GNPTAB: variants seen among roughly 807,000 people sequenced by gnomAD.
GNPTAB encodes N-acetylglucosamine-1-phosphate transferase subunits alpha and beta.
GNPTAB carries 92 observed loss-of-function variants against 136.6 expected under a neutral mutation model. The ratio of observed to expected loss-of-function variants is 0.67; its 90% CI spans 0.57 to 0.80. GNPTAB has a LOEUF of 0.80. GNPTAB is among the 30% of genes least tolerant of loss of function. GNPTAB has a pLI of 0.00. For synonymous variants in GNPTAB, 512 were observed against 535.1 expected (o/e 0.96, Z 0.60); for missense variants, 1,343 against 1,501.8 (o/e 0.89, Z 1.75).
Position 101,830,504 on chromosome 12 carries a change from G to C in GNPTAB, c.117+55C>G, listed in dbSNP as rs947167828. The stretch of plus-strand genomic sequence containing the variant: ...CTGTATCGGGGCATCGCGGGGCACG[G>C]CGAGGGCAGTGCAGGGTCGAGGCGC... On this transcript the variant is annotated intron_variant, in intron 1 of 20. Transcript: ENST00000299314. 34 of 936,472 alleles carry C rather than the reference G, an allele frequency of 3.6e-5. No homozygotes were observed. In the Admixed American group the frequency reaches 5.9e-4, roughly 16 times the overall value. The allele number at this position is 936,472 out of a possible 1,614,324, so 58.0% of individuals were successfully genotyped here.
At chr12:101,762,004 A>T (rs553225503) in intron 13 of GNPTAB, among the ~76,000 whole-genome samples, 1 of 152,246 alleles carries the variant, frequency 6.6e-6, no homozygotes. Flanking sequence ...GGAGATCTAC[A>T]TAACAACAGT....
chr12:101,822,872 G>A (rs138710365), intron 1 of GNPTAB, among the ~76,000 whole-genome samples: 95 of 152,316 alleles, frequency 6.2e-4, no homozygotes, highest in African/African-American at 2.2e-3. Flanking sequence ...CCCACAAGGT[G>A]TGCTTATTCA....
chr12:101,791,522 T>C (rs1370411972), intron 2 of GNPTAB, among the ~76,000 whole-genome samples: 1 of 151,500 alleles, frequency 6.6e-6, no homozygotes, highest in East Asian at 1.9e-4. Context: ...TTTAAGGAAG[T>C]TTACAAATTT....
At chr12:101,778,213 C>T (rs916469729) in intron 7 of GNPTAB, 1 of 152,146 alleles carries the variant, frequency 6.6e-6, no homozygotes, top group Non-Finnish European at 1.5e-5. Context: ...GAGCAGTCCG[C>T]ACTGGTGGGC....
intron 5 of GNPTAB, among the ~76,000 whole-genome samples, chr12:101,784,461 A>G (rs1239378800): frequency 1.3e-5 from 2 of 152,320 alleles, no homozygotes; most frequent in East Asian, 3.9e-4. Flanking sequence ...AGAAGTTTGT[A>G]TCCATGTGAA....
intron 12 of GNPTAB, chr12:101,765,862 G>T: frequency 2.0e-6 from 1 of 506,404 alleles, no homozygotes; most frequent in Non-Finnish European, 3.6e-6. Flanking sequence ...AATCTGCTTG[G>T]TCCAAACAAA....
chr12:101,763,706 G>A (rs1042507884), intron 13 of GNPTAB, among the ~76,000 whole-genome samples: 3 of 152,302 alleles, frequency 2.0e-5, no homozygotes, highest in Non-Finnish European at 4.4e-5. Flanking sequence ...GGTTAGCACC[G>A]TGAGAGCACT....
chr12:101,775,294 T>C (rs570938967), intron 7 of GNPTAB, among the ~76,000 whole-genome samples: 32 of 152,292 alleles, frequency 2.1e-4, no homozygotes, highest in South Asian at 4.1e-4. Context: ...CCACGTCTGC[T>C]AAGACCAACT....
chr12:101,776,632 T>G (rs1953265722), intron 7 of GNPTAB, among the ~76,000 whole-genome samples: 3 of 152,270 alleles, frequency 2.0e-5, no homozygotes, highest in African/African-American at 7.2e-5. Context: ...TACAACAATG[T>G]GCAAAGACAC....
intron 19 of GNPTAB, among the ~76,000 whole-genome samples, chr12:101,752,980 T>C (rs1952842093): frequency 6.6e-6 from 1 of 152,174 alleles, no homozygotes; most frequent in South Asian, 2.1e-4. Context: ...TGGCCGAGCA[T>C]GGTGGCTCAC....
At chr12:101,808,013 T>C (rs1685232854) in intron 1 of GNPTAB, among the ~76,000 whole-genome samples, 1 of 152,026 alleles carries the variant, frequency 6.6e-6, no homozygotes, top group Admixed American at 6.6e-5. Flanking sequence ...CACCCCCTGC[T>C]AAAAAAGAAA....
chr12:101,804,496 G>A (rs182173033), intron 1 of GNPTAB, among the ~76,000 whole-genome samples: 36 of 152,314 alleles, frequency 2.4e-4, no homozygotes, highest in African/African-American at 8.7e-4. Flanking sequence ...GCCCTACTCT[G>A]CAGCCAATGT....
rs1419178690 is a variant in GNPTAB, at chr12:101,753,354, T to C, written c.3602+18A>G. ...ACACTCACCCACACACATGCATATATAAAACATGAGAATTTACCATTCCTG... is the reference window on the plus strand; with the variant it reads ...ACACTCACCCACACACATGCATATACAAAACATGAGAATTTACCATTCCTG... On this transcript the variant is annotated intron_variant, in intron 19 of 20. Transcript: ENST00000299314. 2 of 1,599,466 alleles carry C rather than the reference T, an allele frequency of 1.3e-6. No homozygotes were observed. The highest frequency in any genetic ancestry group is 1.7e-4 in the Middle Eastern group (1 of 6,034).
At chr12:101,791,958 A>G (rs1869017921) in intron 2 of GNPTAB, among the ~76,000 whole-genome samples, 1 of 152,240 alleles carries the variant, frequency 6.6e-6, no homozygotes, top group South Asian at 2.1e-4. Context: ...CAAAGCCCAA[A>G]TCTGTGCCTT....
In GNPTAB at chr12:101,788,581, A is replaced by G; in HGVS notation, c.332T>C (p.Leu111Pro). ...AGTAGGTTCCGTTGTGTTTTTCCCA[A>G]GGATTTCTCTAATAAAAAGCAAATA... ...EEEQKAMREI[L>P]GKNTTEPTKK... The change falls in exon 4 of 21, where the codon CTT (leucine) becomes CCT (proline). Residue 111 changes from leucine (L) to proline (P), a missense_variant. Coordinates refer to ENST00000299314, the MANE Select transcript of GNPTAB (RefSeq NM_024312.5). The G allele has an allele frequency of 6.5e-7, 1 of 1,549,706 alleles. No homozygotes were observed. The highest frequency in any genetic ancestry group is 1.1e-5 in the South Asian group (1 of 89,648).
In GNPTAB at chr12:101,764,692, T is replaced by A; in HGVS notation, c.2225A>T (p.Asn742Ile). Reference sequence around the variant, plus strand: ...ATTTTTTATTTTAGCATGCTGTGAGTTCATCAGAAATGATCTCAGCAAGGC... The same window carrying A: ...ATTTTTTATTTTAGCATGCTGTGAGATCATCAGAAATGATCTCAGCAAGGC... The part of the protein sequence containing the change: ...KSALLRSFLM[N>I]SQHAKIKNQA... The change falls in exon 13 of 21, where the codon AAC becomes ATC. Residue 742 changes from asparagine to isoleucine, a missense_variant. By Grantham distance (149) the Asn-to-Ile change is moderately radical (BLOSUM62 -3). Transcript: ENST00000299314. 1.2e-6 allele frequency: 2 copies of A among 1,612,958 alleles called. No individual in the cohort carries two copies. Among genetic ancestry groups the A allele is most frequent in the Non-Finnish European group, 1.7e-6 (2 of 1,179,404 alleles).
intron 1 of GNPTAB, among the ~76,000 whole-genome samples, chr12:101,821,250 G>T (rs1241840671): frequency 6.6e-6 from 1 of 152,158 alleles, no homozygotes; most frequent in Non-Finnish European, 1.5e-5. Context: ...AGCCAAGTCT[G>T]CTTTGTTCAC....
At chr12:101,749,076 C>G (rs370518856) in intron 20 of GNPTAB, 25 bp downstream of exon 20, 1 of 1,234,440 alleles carries the variant, frequency 8.1e-7, no homozygotes, top group Non-Finnish European at 1.2e-6. Flanking sequence ...CCATTTAATA[C>G]CCACATAAAA....
intron 2 of GNPTAB, among the ~76,000 whole-genome samples, 160 bp from the exon 3 acceptor site, chr12:101,790,217 A>AGCTGGGGG (rs1309485136): frequency 6.6e-6 from 1 of 152,232 alleles, no homozygotes; most frequent in Non-Finnish European, 1.5e-5. Flanking sequence ...TTCAAACTGT[A>AGCTGGGGG]GCTGGGGGGC....
Sources: allele counts gnomAD v4.1 joint callset (sites outside exome capture counted in the v4.1 genomes callset), GRCh38; gene constraint gnomAD v4.1.1; transcripts MANE v1.5; gene names NCBI Gene and HGNC (gene_info 2026-07-23, HGNC 2026-07-21).